The following RAB9B variants were observed in gnomAD, a reference collection of about 807,000 sequenced individuals.
The protein encoded by RAB9B is ras-related protein Rab-9B.
A neutral mutation model predicts 8.9 loss-of-function variants in RAB9B; 1 was observed. That is an observed-to-expected ratio of 0.11 (90% confidence interval 0.04 to 0.53). RAB9B has a LOEUF of 0.53. RAB9B is among the 20% of genes least tolerant of loss of function. RAB9B has a pLI of 0.93. For missense variants in RAB9B, 82 were observed against 152.9 expected, an observed-to-expected ratio of 0.54 and a Z score of 2.45; for synonymous variants, 63 against 57.0, an observed-to-expected ratio of 1.10 and a Z score of -0.47.
the RAB9B span, among the ~76,000 whole-genome samples, chrX:103,805,331 G>A: frequency 1.8e-5 from 2 of 111,847 alleles, no homozygotes; most frequent in Non-Finnish European, 3.8e-5. Context: ...GCATTTCTGG[G>A]ATAAGTCCTA....
At chrX:103,819,952 G>A (rs2074653281), downstream of RAB9B, among the ~76,000 whole-genome samples, 2 of 112,404 alleles carry the variant, frequency 1.8e-5, no homozygotes, top group South Asian at 7.4e-4. Context: ...GGCATTATAA[G>A]GAGATGGGGC....
chrX:103,797,620 A>T, the RAB9B span, among the ~76,000 whole-genome samples: 3 of 111,967 alleles, frequency 2.7e-5, no homozygotes, highest in African/African-American at 9.8e-5. Context: ...AAGGCAGATG[A>T]TCTCAGATTG....
At chrX:103,828,739 G>A (rs917463140) in intron 1 of RAB9B, among the ~76,000 whole-genome samples, 1 of 112,133 alleles carries the variant, frequency 8.9e-6, no homozygotes, top group African/African-American at 3.2e-5. Context: ...ATAACTGTCT[G>A]AGATAATGCT....
the RAB9B span, chrX:103,786,273 C>T: frequency 4.1e-5 from 45 of 1,094,809 alleles, no homozygotes; most frequent in Admixed American, 4.2e-4. Context: ...TTTCTGGTCA[C>T]ATACACCCTG....
chrX:103,808,375 TCTCTCATCAGAGAGCCTC>T, the RAB9B span, among the ~76,000 whole-genome samples: 2 of 111,884 alleles, frequency 1.8e-5, no homozygotes, highest in Admixed American at 9.5e-5. Context: ...CAGCTACTGG[TCTCTCATCAGAGAGCCTC>T]GTTCTCCAGA....
the RAB9B span, among the ~76,000 whole-genome samples, chrX:103,814,572 AG>A: frequency 1.8e-5 from 2 of 111,591 alleles, no homozygotes; most frequent in East Asian, 5.6e-4. Context: ...GCAGAAGACA[AG>A]AAGTAACTAA....
At chrX:103,801,656 A>G in the RAB9B span, among the ~76,000 whole-genome samples, 4 of 111,622 alleles carry the variant, frequency 3.6e-5, no homozygotes, top group African/African-American at 1.3e-4. Context: ...CTAATTTTAA[A>G]GATGAAGCAA....
At chrX:103,796,422 T>C in the RAB9B span, among the ~76,000 whole-genome samples, 1 of 111,701 alleles carries the variant, frequency 9.0e-6, no homozygotes, top group Admixed American at 9.5e-5. Flanking sequence ...TGTGCCGAGA[T>C]TGTGCCACTG....
chrX:103,816,208 G>A, the RAB9B span, among the ~76,000 whole-genome samples: 1 of 111,386 alleles, frequency 9.0e-6, no homozygotes, highest in East Asian at 2.8e-4. Context: ...AACCAAAACA[G>A]CATGGTACCG....
At chrX:103,811,481 G>A in the RAB9B span, among the ~76,000 whole-genome samples, 6 of 111,501 alleles carry the variant, frequency 5.4e-5, no homozygotes, top group Admixed American at 5.7e-4. Flanking sequence ...AGGGGTTCCC[G>A]TTATAAACAT....
chrX:103,793,048 C>A, the RAB9B span, among the ~76,000 whole-genome samples: 1 of 111,956 alleles, frequency 8.9e-6, no homozygotes, highest in South Asian at 3.7e-4. Context: ...AGTAATGATC[C>A]CTTAGTAATT....
the RAB9B span, among the ~76,000 whole-genome samples, chrX:103,815,568 A>T: frequency 2.7e-5 from 3 of 112,210 alleles, no homozygotes; most frequent in South Asian, 1.1e-3. Context: ...ACATAGTATT[A>T]GAAGTTCTGG....
chrX:103,785,484 T>C, the RAB9B span: 5 of 761,099 alleles, frequency 6.6e-6, no homozygotes, highest in Non-Finnish European at 1.0e-5. Flanking sequence ...GAGTGCCCAC[T>C]ATCTCCGAGC....
At chrX:103,799,713 AAAAGT>A in the RAB9B span, among the ~76,000 whole-genome samples, 2 of 112,487 alleles carry the variant, frequency 1.8e-5, no homozygotes, top group African/African-American at 3.2e-5. Flanking sequence ...AAACATACAC[AAAAGT>A]AAAGAGAGTC....
At chrX:103,783,070 T>C in the RAB9B span, among the ~76,000 whole-genome samples, 2 of 111,548 alleles carry the variant, frequency 1.8e-5, no homozygotes, top group Non-Finnish European at 3.8e-5. Flanking sequence ...ACTTCTAAGC[T>C]CCTTTTCTTG....
At chrX:103,805,513 T>C in the RAB9B span, among the ~76,000 whole-genome samples, 1 of 111,518 alleles carries the variant, frequency 9.0e-6, no homozygotes. Context: ...ATAGAATGAG[T>C]TGGGAAATGT....
At chrX:103,827,446 T>C (rs188006278) in intron 1 of RAB9B, among the ~76,000 whole-genome samples, 174 of 111,519 alleles carry the variant, frequency 1.6e-3, no homozygotes, top group Non-Finnish European at 1.1e-3. Context: ...GCTGAAATCC[T>C]AAGTCGGAGA....
rs1354364433 is a variant in RAB9B, at chrX:103,824,283, C to G, written c.*896G>C. 2 of 112,149 alleles carry G rather than the reference C, an allele frequency of 1.8e-5. No individual in the cohort carries two copies. Among genetic ancestry groups the G allele is most frequent in the Non-Finnish European group, 3.8e-5 (2 of 53,243 alleles). 9.2% of individuals were successfully genotyped at this position (112,149 alleles called of 1,213,427 possible). A position where few individuals can be genotyped will look rare whatever the true frequency, so the allele number is the denominator to read the frequency against. ...CATTATCCCCCAATCTTTTATGAAG[C>G]CTTCTCCATGAGCCCAGCATGTTGG... On this transcript the variant is annotated 3_prime_UTR_variant, in exon 3 of 3. Coordinates refer to ENST00000243298, the MANE Select transcript of RAB9B (RefSeq NM_016370.4).
the RAB9B span, chrX:103,780,064 C>T: frequency 8.8e-6 from 1 of 113,037 alleles, no homozygotes; most frequent in African/African-American, 3.2e-5. Context: ...ACATCAAAAG[C>T]TCAGCAAGTA....
Sources: gnomAD v4.1 joint callset for allele counts (sites outside exome capture counted in the v4.1 genomes callset) on GRCh38, gnomAD v4.1.1 for gene constraint, MANE v1.5 for transcripts, NCBI Gene and HGNC (gene_info 2026-07-23, HGNC 2026-07-21) for gene names.